CDH13: variants seen among roughly 807,000 people sequenced by gnomAD.
The protein encoded by CDH13 is cadherin-13.
A neutral mutation model predicts 63.8 loss-of-function variants in CDH13; 24 were observed. That is an observed-to-expected ratio of 0.38 (90% confidence interval 0.27 to 0.53). The LOEUF (loss-of-function observed/expected upper bound fraction) is 0.53, where lower values mean the gene tolerates loss of function less well. Among genes scored for constraint, CDH13 ranks in the 20% least tolerant of loss-of-function variants. The pLI, the probability that CDH13 is intolerant of heterozygous loss-of-function variation, is 0.85. For missense variants in CDH13, 1,049 were observed against 903.1 expected, an observed-to-expected ratio of 1.16 and a Z score of -2.07; for synonymous variants, 503 against 355.3, an observed-to-expected ratio of 1.42 and a Z score of -4.67.
chr16:82,694,779 C>A (rs1314603202), intron 1 of CDH13, among the ~76,000 whole-genome samples: 1 of 152,134 alleles, frequency 6.6e-6, no homozygotes, highest in Non-Finnish European at 1.5e-5. Flanking sequence ...TGTGGGCAGA[C>A]CCTGGAGATA....
chr16:83,250,673 G>A (rs1026922742), intron 5 of CDH13, among the ~76,000 whole-genome samples: 2 of 152,126 alleles, frequency 1.3e-5, no homozygotes, highest in African/African-American at 2.4e-5. Flanking sequence ...AAGGGAGATA[G>A]GATTGTTTAG....
intron 1 of CDH13, among the ~76,000 whole-genome samples, chr16:82,633,569 G>A (rs1029257223): frequency 2.0e-5 from 3 of 152,100 alleles, no homozygotes; most frequent in Admixed American, 6.5e-5. Context: ...AGTAGAGACG[G>A]GGTTTCACTG....
In CDH13 at chr16:83,361,278, T is replaced by G. The variant is rs141246034; in HGVS notation, c.781+16272T>G. 9.7e-3 allele frequency among the ~76,000 whole-genome samples: 1,484 copies of G among 152,328 alleles called. 17 individuals carry two copies. Among genetic ancestry groups the G allele is most frequent in the African/African-American group, 0.033 (1,375 of 41,586 alleles). Reference sequence around the variant, plus strand: ...GCCTTTGCCCACATTTTAATAGGGTTATTTGTTTTTCGCTTGTTGAATTAT... The same window carrying G: ...GCCTTTGCCCACATTTTAATAGGGTGATTTGTTTTTCGCTTGTTGAATTAT... On this transcript the variant is annotated intron_variant, in intron 6 of 13. Transcript: ENST00000567109.
At chr16:82,760,723 G>A (rs899913351) in intron 1 of CDH13, among the ~76,000 whole-genome samples, 1 of 152,114 alleles carries the variant, frequency 6.6e-6, no homozygotes, top group Non-Finnish European at 1.5e-5. Flanking sequence ...GGTTCTGCAG[G>A]CTGTACAAGA....
chr16:83,593,602 A>G lies in CDH13; in HGVS notation c.961-8852A>G, dbSNP rs2150739544. On this transcript the variant is annotated intron_variant, in intron 7 of 13. Coordinates refer to ENST00000567109, the MANE Select transcript of CDH13 (RefSeq NM_001257.5). ...TGTATATTTATGTAATAGTGTATAA[A>G]CATACAGTATATAAAACATGTTATT... Among the ~76,000 whole-genome samples the G allele has an allele frequency of 1.3e-5, 2 of 151,552 alleles. 1 individual carries two copies. The highest frequency in any genetic ancestry group is 4.1e-4 in the South Asian group (2 of 4,820).
At chr16:82,989,265 C>T (rs1312696264) in intron 2 of CDH13, among the ~76,000 whole-genome samples, 7 of 152,130 alleles carry the variant, frequency 4.6e-5, no homozygotes, top group Non-Finnish European at 1.0e-4. Flanking sequence ...TGACATCACT[C>T]ACAAGTACAA....
chr16:83,217,332 T>G lies in CDH13; in HGVS notation c.484-13T>G. The stretch of plus-strand genomic sequence containing the variant: ...CCAGGCAGTTTTAAATGTCTCTCTG[T>G]TTTTCTGACTAGGTAGTCGATAGTG... On this transcript the variant is annotated splice_polypyrimidine_tract_variant and intron_variant, in intron 4 of 13. Coordinates refer to ENST00000567109, the MANE Select transcript of CDH13 (RefSeq NM_001257.5). 1 of 1,613,666 alleles carries G rather than the reference T, an allele frequency of 6.2e-7. No individual in the cohort carries two copies. The highest frequency in any genetic ancestry group is 1.1e-5 in the South Asian group (1 of 91,062).
intron 1 of CDH13, among the ~76,000 whole-genome samples, chr16:82,808,267 T>C (rs1212836104): frequency 1.3e-5 from 2 of 152,222 alleles, no homozygotes; most frequent in African/African-American, 4.8e-5. Flanking sequence ...TTTTGTTCTC[T>C]TTGAAATAAT....
At chr16:83,368,863 G>T (rs1286886118) in intron 6 of CDH13, among the ~76,000 whole-genome samples, 3 of 87,740 alleles carry the variant, frequency 3.4e-5, no homozygotes, top group Non-Finnish European at 6.4e-5. Context: ...CTTTTTTATG[G>T]CTGAGTAGTA....
rs1351904756 is a variant in CDH13, at chr16:82,725,154, A to G, written c.45+98017A>G. ...TGGTCATGGTGATGGTGATGATGAC[A>G]GTTGTGCTAATGGCGATGATGATGA... On this transcript the variant is annotated intron_variant, in intron 1 of 13. Coordinates refer to ENST00000567109, the MANE Select transcript of CDH13 (RefSeq NM_001257.5). Among the ~76,000 whole-genome samples, 12 of 152,070 alleles carry G rather than the reference A, an allele frequency of 7.9e-5. 1 individual carries two copies. The East Asian group carries it at 2.3e-3, about 29-fold the overall frequency.
In CDH13 at chr16:82,732,492, C is replaced by A. The variant is rs528446649; in HGVS notation, c.45+105355C>A. Among the ~76,000 whole-genome samples the A allele has an allele frequency of 1.6e-3, 247 of 152,232 alleles. 1 individual carries two copies. The highest frequency in any genetic ancestry group is 2.8e-3 in the Non-Finnish European group (191 of 68,008). On this transcript the variant is annotated intron_variant, in intron 1 of 13. Transcript: ENST00000567109. ...TGTTATTGACTGTCTCTTTAAAGAC[C>A]AGCCAGGACAAATCTATTTCTGAAG...
rs945905223 is a variant in CDH13, at chr16:83,072,100, G to A, written c.366+39882G>A. On this transcript the variant is annotated intron_variant, in intron 3 of 13. Transcript: ENST00000567109. ...GCAAATATGATTATTTCAACATTTA[G>A]TCAAGTCGAAAATTGTTCCATCTTT... Among the ~76,000 whole-genome samples the A allele has an allele frequency of 4.6e-5, 7 of 152,176 alleles. No homozygotes were observed. The East Asian group carries it at 9.6e-4, about 21-fold the overall frequency.
At chr16:83,479,406 C>G (rs1438437024) in intron 6 of CDH13, among the ~76,000 whole-genome samples, 1 of 152,152 alleles carries the variant, frequency 6.6e-6, no homozygotes, top group Non-Finnish European at 1.5e-5. Context: ...GTGGTTCACA[C>G]CTGTAATCCC....
At chr16:83,632,101 A>G (rs1910826888) in intron 8 of CDH13, among the ~76,000 whole-genome samples, 1 of 152,214 alleles carries the variant, frequency 6.6e-6, no homozygotes, top group Non-Finnish European at 1.5e-5. Flanking sequence ...AGAAGATAGA[A>G]TGCAGGGAGG....
chr16:83,382,516 C>T (rs2091588751), intron 6 of CDH13, among the ~76,000 whole-genome samples: 1 of 152,086 alleles, frequency 6.6e-6, no homozygotes, highest in African/African-American at 2.4e-5. Context: ...TCCCTTCAAC[C>T]CTCAGTGCTC....
intron 7 of CDH13, among the ~76,000 whole-genome samples, chr16:83,518,397 G>T (rs1441776601): frequency 6.7e-6 from 1 of 148,630 alleles, no homozygotes; most frequent in South Asian, 2.2e-4. Flanking sequence ...CACCCGCCTC[G>T]GCCTCCCAAA....
chr16:82,642,032 C>T (rs1482872299), intron 1 of CDH13, among the ~76,000 whole-genome samples: 4 of 149,424 alleles, frequency 2.7e-5, no homozygotes, highest in African/African-American at 9.9e-5. Context: ...CATTCACCAA[C>T]TCCTTATGAC....
intron 5 of CDH13, among the ~76,000 whole-genome samples, chr16:83,300,510 G>GGTT (rs2089708784): frequency 6.6e-6 from 1 of 152,200 alleles, no homozygotes; most frequent in Admixed American, 6.5e-5. Flanking sequence ...CAGCTGAGTA[G>GGTT]GTTACATCTT....
At chr16:82,685,934 G>C (rs1915024331) in intron 1 of CDH13, among the ~76,000 whole-genome samples, 1 of 152,174 alleles carries the variant, frequency 6.6e-6, no homozygotes, top group Non-Finnish European at 1.5e-5. Flanking sequence ...CACATATCAT[G>C]GTTCCTCTAG....
Sources: allele counts gnomAD v4.1 joint callset (sites outside exome capture counted in the v4.1 genomes callset), GRCh38; gene constraint gnomAD v4.1.1; transcripts MANE v1.5; gene names NCBI Gene and HGNC (gene_info 2026-07-23, HGNC 2026-07-21).